CHAT: variants seen among roughly 807,000 people sequenced by gnomAD.
CHAT encodes the protein choline O-acetyltransferase, also known as acetyl CoA:choline O-acetyltransferase.
A neutral mutation model predicts 76.9 loss-of-function variants in CHAT; 61 were observed. The ratio of observed to expected loss-of-function variants is 0.79; its 90% CI spans 0.65 to 0.98. CHAT has a LOEUF of 0.98. CHAT is among the 50% of genes least tolerant of loss of function. The pLI, the probability that CHAT is intolerant of heterozygous loss-of-function variation, is 0.00. For synonymous variants in CHAT, 407 were observed against 397.4 expected (o/e 1.02, Z -0.29); for missense variants, 946 against 986.9 (o/e 0.96, Z 0.56).
chr10:49,649,500 G>A lies in CHAT; in HGVS notation c.1383-8G>A. On this transcript the variant is annotated splice_region_variant and splice_polypyrimidine_tract_variant and intron_variant, in intron 9 of 14. Transcript: ENST00000337653. ...CAGAGCCTCAGGAGGTTGCCTCTGTGCCCGCAGGACGCAGAGCAGCAGGAA... is the reference window on the plus strand; with the variant it reads ...CAGAGCCTCAGGAGGTTGCCTCTGTACCCGCAGGACGCAGAGCAGCAGGAA... The A allele has an allele frequency of 6.2e-7, 1 of 1,613,784 alleles. No homozygotes were observed. The highest frequency in any genetic ancestry group is 1.3e-5 in the African/African-American group (1 of 75,066).
chr10:49,667,396 C>A lies in CHAT; in HGVS notation c.*2350C>A, dbSNP rs1307643271. ...AAACTCATATTTGCTATTCTCCGAG[C>A]ACATGGAAAGGTAACTCACTCTGTA... On this transcript the variant is annotated 3_prime_UTR_variant, in exon 15 of 15. Transcript: ENST00000337653. Among the ~76,000 whole-genome samples the A allele has an allele frequency of 6.6e-6, 1 of 152,188 alleles. No homozygotes were observed. The highest frequency in any genetic ancestry group is 1.9e-4 in the East Asian group (1 of 5,202).
chr10:49,651,825 C>G, intron 10 of CHAT, 59 bp from the exon 11 acceptor site: 1 of 1,557,270 alleles, frequency 6.4e-7, no homozygotes, highest in Non-Finnish European at 8.7e-7. Context: ...CGGGGAAACC[C>G]CAGATGCATG....
chr10:49,631,474 C>T (rs1839117392), intron 7 of CHAT, among the ~76,000 whole-genome samples: 1 of 152,206 alleles, frequency 6.6e-6, no homozygotes, highest in African/African-American at 2.4e-5. Flanking sequence ...AATACAGTTA[C>T]ATTCTGAGCT....
At position 49,619,934 on chromosome 10, in the gene CHAT, G is replaced by T; in HGVS notation, c.579+18G>T. 1 of 1,605,516 alleles carries T rather than the reference G, an allele frequency of 6.2e-7. No individual in the cohort carries two copies. Among genetic ancestry groups the T allele is most frequent in the Non-Finnish European group, 8.5e-7 (1 of 1,176,534 alleles). ...CCAACTGGGTAAGAGGGGCAGACAA[G>T]GAACCCATAGAAGAGGGGCGGGAGG... On this transcript the variant is annotated intron_variant, in intron 3 of 14. Coordinates refer to ENST00000337653, the MANE Select transcript of CHAT (RefSeq NM_020549.5).
intron 7 of CHAT, among the ~76,000 whole-genome samples, chr10:49,642,204 C>G (rs949070095): frequency 6.6e-6 from 1 of 152,226 alleles, no homozygotes; most frequent in Non-Finnish European, 1.5e-5. Flanking sequence ...TGGCTCCTGC[C>G]GTGCGCCTTC....
intron 13 of CHAT, 87 bp from the exon 14 acceptor site, chr10:49,662,558 C>T (rs1366107454): frequency 1.3e-6 from 2 of 1,561,286 alleles, no homozygotes; most frequent in Non-Finnish European, 1.8e-6. Flanking sequence ...CTGGAGTCAC[C>T]AGCAGTCCTG....
intron 8 of CHAT, chr10:49,647,877 G>T (rs77298211): frequency 0.018 from 2,804 of 158,932 alleles, 94 homozygotes; most frequent in African/African-American, 0.063. Context: ...ACCTCTCATG[G>T]GTTAGTCTAT....
At chr10:49,621,288 G>A (rs1348438210) in intron 4 of CHAT, among the ~76,000 whole-genome samples, 1 of 152,162 alleles carries the variant, frequency 6.6e-6, no homozygotes, top group African/African-American at 2.4e-5. Context: ...TCTGGGCAGG[G>A]CTTAGCCATG....
In CHAT at chr10:49,620,541, C is replaced by T; in HGVS notation, c.626C>T (p.Ala209Val). 6.2e-7 allele frequency: 1 copy of T among 1,613,892 alleles called. No individual in the cohort carries two copies. Among genetic ancestry groups the T allele is most frequent in the African/African-American group, 1.3e-5 (1 of 75,034 alleles). The change falls in exon 4 of 15, where the codon GCC (alanine) becomes GTC (valine). Residue 209 changes from alanine (A) to valine (V), a missense_variant. Ala to Val is a moderately conservative substitution (Grantham distance 64). Transcript: ENST00000337653. ...LNDMYLNNRL[A>V]LPVNSSPAVI... is the part of the protein sequence containing the mutation. ...GACATGTATCTCAACAACCGCCTGG[C>T]CCTGCCTGTCAACTCCAGCCCTGCC...
upstream of CHAT, chr10:49,611,521 G>C (rs139732053): frequency 2.6e-4 from 412 of 1,601,946 alleles, no homozygotes; most frequent in Middle Eastern, 2.0e-3. Context: ...GTTGCTGCTG[G>C]CAGTGGCCAA....
At chr10:49,626,709 C>A (rs1242176816) in intron 6 of CHAT, among the ~76,000 whole-genome samples, 1 of 152,206 alleles carries the variant, frequency 6.6e-6, no homozygotes, top group Non-Finnish European at 1.5e-5. Flanking sequence ...CAAGACCAGG[C>A]CATACAGACA....
At chr10:49,619,034 T>G (rs1838601364) in intron 2 of CHAT, among the ~76,000 whole-genome samples, 1 of 152,190 alleles carries the variant, frequency 6.6e-6, no homozygotes, top group Non-Finnish European at 1.5e-5. Flanking sequence ...ATTCCCTGCC[T>G]GGGTTTTATA....
intron 7 of CHAT, among the ~76,000 whole-genome samples, chr10:49,633,849 C>T (rs762594084): frequency 2.0e-4 from 30 of 152,146 alleles, no homozygotes; most frequent in Non-Finnish European, 2.8e-4. Flanking sequence ...TATTTATCCC[C>T]GACAGTCAAT....
Position 49,616,544 on chromosome 10 carries a change from C to T in CHAT, c.329C>T (p.Pro110Leu), listed in dbSNP as rs1440561859. ...CIPAPGLTKT[P>L]ILEKVPRKMA... is the part of the protein sequence containing the mutation. ...CCTGCACCAGGACTCACCAAGACGC[C>T]CATCCTGGAAAAGGTCCCCCGTAAG... Residue 110 changes from proline (P) to leucine (L), a missense_variant, in exon 2 of 15, where the codon CCC becomes CTC. Pro to Leu is a moderately conservative substitution (Grantham distance 98, BLOSUM62 -3). Around this residue, in one of 3 missense-constraint regions of CHAT, gnomAD observed 548 missense variants for 516.2 expected, o/e 1.06. Coordinates refer to ENST00000337653, the MANE Select transcript of CHAT (RefSeq NM_020549.5). 6.2e-7 allele frequency: 1 copy of T among 1,613,250 alleles called. No individual in the cohort carries two copies. Among genetic ancestry groups the T allele is most frequent in the South Asian group, 1.1e-5 (1 of 90,872 alleles).
upstream of CHAT, chr10:49,612,167 C>T: frequency 1.2e-6 from 2 of 1,610,650 alleles, no homozygotes; most frequent in South Asian, 1.1e-5. Context: ...GGCCTCCTGA[C>T]GCGCTCCCGT....
intron 14 of CHAT, 53 bp from the exon 15 acceptor site, chr10:49,664,724 G>T (rs1358113432): frequency 6.2e-7 from 1 of 1,612,458 alleles, no homozygotes; most frequent in Non-Finnish European, 8.5e-7. Flanking sequence ...CCCAGTCGAG[G>T]CTGGCGGGCT....
At chr10:49,636,610 A>T (rs1839301985) in intron 7 of CHAT, among the ~76,000 whole-genome samples, 1 of 152,038 alleles carries the variant, frequency 6.6e-6, no homozygotes, top group Non-Finnish European at 1.5e-5. Flanking sequence ...TTCTTCCTTA[A>T]ATGTTTGGTA....
chr10:49,666,507 C>T lies in CHAT; in HGVS notation c.*1461C>T, dbSNP rs1840343622. Among the ~76,000 whole-genome samples, 1 of 152,244 alleles carries T rather than the reference C, an allele frequency of 6.6e-6. No homozygotes were observed. The highest frequency in any genetic ancestry group is 2.1e-4 in the South Asian group (1 of 4,826). On this transcript the variant is annotated 3_prime_UTR_variant, in exon 15 of 15. Coordinates refer to ENST00000337653, the MANE Select transcript of CHAT (RefSeq NM_020549.5). ...ATCCCTCCAATCCTGCTGCTTCCTG[C>T]TGAGCACTCTGCTCTAGCCCAGCAA...
chr10:49,610,809 G>A, upstream of CHAT: 3 of 1,596,870 alleles, frequency 1.9e-6, no homozygotes, highest in Non-Finnish European at 2.6e-6. Context: ...CTGTGGGCGC[G>A]GCGCTGCAGG....
Sources: allele counts gnomAD v4.1 joint callset (sites outside exome capture counted in the v4.1 genomes callset), GRCh38; gene constraint gnomAD v4.1.1; regional missense constraint gnomAD v4.1.1; transcripts MANE v1.5; gene names NCBI Gene and HGNC (gene_info 2026-07-23, HGNC 2026-07-21).